Variants in ZNF521 observed in about 807,000 individuals in gnomAD.
The protein encoded by ZNF521 is LYST-interacting protein 3.
ZNF521 carries 14 observed loss-of-function variants against 105.5 expected under a neutral mutation model. That is an observed-to-expected ratio of 0.13 (90% CI 0.09 to 0.21). ZNF521 has a LOEUF of 0.21. Among genes scored for constraint, ZNF521 ranks in the 10% least tolerant of loss-of-function variants. The probability of loss-of-function intolerance (pLI) is 1.00; values close to 1 mark genes in which losing one functional copy is unlikely to be tolerated. For missense variants in ZNF521, 1,233 were observed against 1,629.7 expected (o/e 0.76, Z 4.19); for synonymous variants, 635 against 606.0 (o/e 1.05, Z -0.70).
chr18:25,222,244 T>C (rs79924547), intron 4 of ZNF521, among the ~76,000 whole-genome samples: 9,186 of 152,212 alleles, frequency 0.06, 868 homozygotes, highest in African/African-American at 0.21. Context: ...TATTATCCTA[T>C]GTAAGTGCAG....
chr18:25,154,898 G>T (rs1394562845), intron 5 of ZNF521, among the ~76,000 whole-genome samples: 1 of 152,060 alleles, frequency 6.6e-6, no homozygotes, highest in East Asian at 1.9e-4. Flanking sequence ...TTTTCTTTGG[G>T]TATATGGCCA....
intron 5 of ZNF521, among the ~76,000 whole-genome samples, chr18:25,186,581 G>A (rs571423422): frequency 1.3e-5 from 2 of 152,242 alleles, no homozygotes; most frequent in South Asian, 4.1e-4. Context: ...AAAGTCTGAT[G>A]AAATGAAGGA....
chr18:25,101,289 T>C (rs747422300), intron 5 of ZNF521, among the ~76,000 whole-genome samples: 8 of 152,060 alleles, frequency 5.3e-5, no homozygotes, highest in Non-Finnish European at 1.2e-4. Flanking sequence ...AACCTGCATA[T>C]AGGGGTTCCA....
chr18:25,168,023 T>C (rs2035377880), intron 5 of ZNF521, among the ~76,000 whole-genome samples: 2 of 152,146 alleles, frequency 1.3e-5, no homozygotes, highest in Admixed American at 1.3e-4. Context: ...TTTTTGGTGC[T>C]CAGAATAGCT....
intron 3 of ZNF521, among the ~76,000 whole-genome samples, chr18:25,239,046 G>C (rs967222354): frequency 3.9e-5 from 6 of 152,094 alleles, no homozygotes; most frequent in African/African-American, 1.4e-4. Flanking sequence ...GAACATCATT[G>C]ATGGAGGGCT....
intron 5 of ZNF521, among the ~76,000 whole-genome samples, chr18:25,147,109 A>G (rs2034959135): frequency 6.6e-6 from 1 of 152,160 alleles, no homozygotes; most frequent in Non-Finnish European, 1.5e-5. Context: ...AAACACAACA[A>G]TGCATCCCAG....
chr18:25,114,977 C>T (rs2034274590), intron 5 of ZNF521, among the ~76,000 whole-genome samples: 1 of 151,852 alleles, frequency 6.6e-6, no homozygotes, highest in Non-Finnish European at 1.5e-5. Flanking sequence ...ATTTTTTTTC[C>T]TATGAATATT....
intron 5 of ZNF521, among the ~76,000 whole-genome samples, chr18:25,094,687 T>C (rs1424833374): frequency 6.6e-6 from 1 of 152,116 alleles, no homozygotes; most frequent in Admixed American, 6.6e-5. Context: ...AGAGAAAATA[T>C]ATATGAATTG....
intron 7 of ZNF521, among the ~76,000 whole-genome samples, chr18:25,074,034 G>GCA (rs1567949464): frequency 6.7e-6 from 1 of 148,218 alleles, no homozygotes; most frequent in Non-Finnish European, 1.5e-5. Flanking sequence ...GTGTGTGCGT[G>GCA]CATGTGTGTG....
Position 25,091,846 on chromosome 18 carries a change from G to C in ZNF521, c.3790+104C>G, listed in dbSNP as rs1567957933. ...CATCTTCCCCCCAAATTGAACTGAA[G>C]TCATGTCTGTAAAAGGCCATAGCAG... is the stretch of plus-strand genomic sequence containing the variant. On this transcript the variant is annotated intron_variant, in intron 6 of 7. Transcript: ENST00000361524. 12 of 1,397,216 alleles carry C rather than the reference G, an allele frequency of 8.6e-6. No individual in the cohort carries two copies. In the East Asian group the frequency reaches 2.8e-4, roughly 33 times the overall value. The allele number at this position is 1,397,216 out of a possible 1,614,324, so 86.6% of individuals were successfully genotyped here.
At chr18:25,338,234 A>G (rs1180972102) in intron 2 of ZNF521, among the ~76,000 whole-genome samples, 1 of 141,204 alleles carries the variant, frequency 7.1e-6, no homozygotes, top group African/African-American at 2.7e-5. Context: ...TTAGGGGTTG[A>G]ATTCAAACAA....
In ZNF521 at chr18:25,122,548, T is replaced by C. The variant is rs1309540705; in HGVS notation, c.3659-30467A>G. ...CCCCAATGTAAAATCTAGAATTACA[T>C]ATATCCTATCAAATAAGTGAGTGAC... On this transcript the variant is annotated intron_variant, in intron 5 of 7. Transcript: ENST00000361524. 2.0e-5 allele frequency among the ~76,000 whole-genome samples: 3 copies of C among 152,350 alleles called. No homozygotes were observed. The South Asian group carries it at 6.2e-4, about 32-fold the overall frequency.
chr18:25,289,178 C>CA (rs1910871922), intron 3 of ZNF521, among the ~76,000 whole-genome samples: 1 of 152,046 alleles, frequency 6.6e-6, no homozygotes, highest in Non-Finnish European at 1.5e-5. Context: ...GCTAGAAAAA[C>CA]AAAAAACAAA....
At chr18:25,097,490 A>G (rs551940593) in intron 5 of ZNF521, among the ~76,000 whole-genome samples, 1 of 152,228 alleles carries the variant, frequency 6.6e-6, no homozygotes, top group South Asian at 2.1e-4. Flanking sequence ...CATGAAAATG[A>G]ATGCAGCCTG....
rs528089831 is a variant in ZNF521, at chr18:25,329,967, G to C, written c.41-7780C>G. 1.6e-4 allele frequency among the ~76,000 whole-genome samples: 24 copies of C among 152,254 alleles called. No homozygotes were observed. The South Asian group carries it at 5.0e-3, about 32-fold the overall frequency. On this transcript the variant is annotated intron_variant, in intron 2 of 7. Transcript: ENST00000361524. ...ACAGGATCTGGATGGATGGTGAAGAGAGGAAAGTGGAGAGCTGTCTCAGTG... is the reference window on the plus strand; with the variant it reads ...ACAGGATCTGGATGGATGGTGAAGACAGGAAAGTGGAGAGCTGTCTCAGTG...
chr18:25,085,651 A>ATG (rs1380400523), intron 7 of ZNF521, among the ~76,000 whole-genome samples: 6 of 105,444 alleles, frequency 5.7e-5, no homozygotes, highest in African/African-American at 1.5e-4. Context: ...CCCCATATAT[A>ATG]TATGTGTGTG....
At chr18:25,073,616 T>G (rs2033278842) in intron 7 of ZNF521, among the ~76,000 whole-genome samples, 1 of 152,222 alleles carries the variant, frequency 6.6e-6, no homozygotes, top group African/African-American at 2.4e-5. Context: ...GTAATTTATA[T>G]TCAAAGGGTA....
intron 5 of ZNF521, among the ~76,000 whole-genome samples, chr18:25,095,224 C>A (rs1158786966): frequency 6.6e-6 from 1 of 152,096 alleles, no homozygotes; most frequent in African/African-American, 2.4e-5. Context: ...TGATGGGATA[C>A]TATCAGCACC....
chr18:25,207,041 C>T (rs2036093340), intron 4 of ZNF521, among the ~76,000 whole-genome samples: 1 of 151,572 alleles, frequency 6.6e-6, no homozygotes, highest in South Asian at 2.1e-4. Context: ...TCAAAACCTT[C>T]CCCATTCATT....
Sources: gnomAD v4.1 joint callset for allele counts (sites outside exome capture counted in the v4.1 genomes callset) on GRCh38, gnomAD v4.1.1 for gene constraint, MANE v1.5 for transcripts, NCBI Gene and HGNC (gene_info 2026-07-23, HGNC 2026-07-21) for gene names.